Variants in TMCC3 observed in about 807,000 individuals in gnomAD.
TMCC3 encodes the protein transmembrane and coiled-coil domain protein 3.
Under a neutral mutation model 40.2 loss-of-function variants are expected in TMCC3, and 28 were observed. That is an observed-to-expected ratio of 0.70 (90% CI 0.52 to 0.95). The LOEUF (loss-of-function observed/expected upper bound fraction) is 0.95. TMCC3 is among the 40% of genes least tolerant of loss of function. The pLI is 0.00. For missense variants in TMCC3, 554 were observed against 615.2 expected, an observed-to-expected ratio of 0.90 and a Z score of 1.05; for synonymous variants, 255 against 248.5, an observed-to-expected ratio of 1.03 and a Z score of -0.25.
intron 1 of TMCC3, among the ~76,000 whole-genome samples, chr12:94,607,311 A>T (rs769391596): frequency 6.6e-6 from 1 of 152,178 alleles, no homozygotes; most frequent in Non-Finnish European, 1.5e-5. Context: ...TCTATTGTAC[A>T]ATAGTGGTCC....
At chr12:94,637,775 A>C (rs1365979124) in intron 1 of TMCC3, among the ~76,000 whole-genome samples, 1 of 152,248 alleles carries the variant, frequency 6.6e-6, no homozygotes, top group Non-Finnish European at 1.5e-5. Flanking sequence ...GATCCTGTGC[A>C]GCAATTAAAA....
chr12:94,616,157 A>G (rs990825462), intron 1 of TMCC3: 5 of 900,336 alleles, frequency 5.6e-6, no homozygotes, highest in Non-Finnish European at 6.6e-6. Context: ...GTAATAATGC[A>G]CCGTATTCAA....
chr12:94,635,880 G>A (rs2138880540), intron 1 of TMCC3, among the ~76,000 whole-genome samples: 1 of 152,128 alleles, frequency 6.6e-6, no homozygotes, highest in Middle Eastern at 3.4e-3. Context: ...TGTTGGTCAG[G>A]CTGGTCTGGA....
chr12:94,588,762 G>A (rs908382118), intron 1 of TMCC3, among the ~76,000 whole-genome samples: 35 of 151,944 alleles, frequency 2.3e-4, no homozygotes, highest in African/African-American at 7.7e-4. Flanking sequence ...TCCAATCCAC[G>A]GCCCAGCATG....
At chr12:94,620,497 A>T (rs1285619162) in intron 1 of TMCC3, among the ~76,000 whole-genome samples, 1 of 151,994 alleles carries the variant, frequency 6.6e-6, no homozygotes, top group Non-Finnish European at 1.5e-5. Flanking sequence ...CATGTTGGCC[A>T]GGCTAGTCTT....
Position 94,640,248 on chromosome 12 carries a change from GCCTCACCCCTCCCA to G in TMCC3, c.78+10091_78+10104del, listed in dbSNP as rs367632863. On this transcript the variant is annotated intron_variant, in intron 1 of 3. Transcript: ENST00000261226. ...ACTGATGCAATCAAGGCTCACTGCA[GCCTCACCCCTCCCA>G]CCTCACCCCTCCCAGGGCTCAGGTG... Among the ~76,000 whole-genome samples the G allele has an allele frequency of 7.1e-4, 108 of 152,280 alleles. 1 individual carries two copies. Among genetic ancestry groups the G allele is most frequent in the African/African-American group, 2.5e-3 (102 of 41,560 alleles).
intron 1 of TMCC3, among the ~76,000 whole-genome samples, chr12:94,627,012 T>C (rs2068907490): frequency 6.6e-6 from 1 of 151,948 alleles, no homozygotes; most frequent in Non-Finnish European, 1.5e-5. Context: ...AGGTGTGCAC[T>C]ACCACACCAG....
chr12:94,585,390 C>T (rs925568812), intron 1 of TMCC3, among the ~76,000 whole-genome samples: 8 of 152,110 alleles, frequency 5.3e-5, no homozygotes, highest in South Asian at 2.1e-4. Flanking sequence ...CAAAATCCTA[C>T]GTATTCTTTA....
At chr12:94,605,409 G>A (rs2068777085) in intron 1 of TMCC3, among the ~76,000 whole-genome samples, 1 of 152,188 alleles carries the variant, frequency 6.6e-6, no homozygotes, top group Non-Finnish European at 1.5e-5. Flanking sequence ...GTTCATTCAT[G>A]AATCTGTGTA....
intron 1 of TMCC3, among the ~76,000 whole-genome samples, chr12:94,623,475 T>A (rs558191740): frequency 6.6e-6 from 1 of 152,358 alleles, no homozygotes; most frequent in South Asian, 2.1e-4. Flanking sequence ...CCAGAGCTAT[T>A]CCTTCATTCA....
chr12:94,650,016 C>A (rs2138893814), intron 1 of TMCC3, among the ~76,000 whole-genome samples: 1 of 152,194 alleles, frequency 6.6e-6, no homozygotes, highest in South Asian at 2.1e-4. Flanking sequence ...CGCGGGTGGC[C>A]GGGTGGCGGG....
At position 94,609,192 on chromosome 12, in the gene TMCC3, C is replaced by T. The variant is rs193010073; in HGVS notation, c.79-26654G>A. 8.1e-3 allele frequency among the ~76,000 whole-genome samples: 1,234 copies of T among 152,226 alleles called. 16 individuals are homozygous for T. Among genetic ancestry groups the T allele is most frequent in the Non-Finnish European group, 0.012 (840 of 68,000 alleles). On this transcript the variant is annotated intron_variant, in intron 1 of 3. Coordinates refer to ENST00000261226, the MANE Select transcript of TMCC3 (RefSeq NM_020698.4). ...GCAGTGAGCTATGATCACACCACTACACACCAGCCTGGGTGACAGAGTGAG... is the reference window on the plus strand; with the variant it reads ...GCAGTGAGCTATGATCACACCACTATACACCAGCCTGGGTGACAGAGTGAG...
intron 2 of TMCC3, among the ~76,000 whole-genome samples, chr12:94,580,287 A>T (rs557996280): frequency 6.6e-6 from 1 of 152,364 alleles, no homozygotes; most frequent in Admixed American, 6.5e-5. Context: ...AGTTATAAGC[A>T]CCTAAAAGCC....
At chr12:94,599,786 C>T (rs559377476) in intron 1 of TMCC3, among the ~76,000 whole-genome samples, 6 of 152,260 alleles carry the variant, frequency 3.9e-5, no homozygotes, top group African/African-American at 1.4e-4. Context: ...CTAACGTTTT[C>T]CACCTCCAAG....
At chr12:94,606,600 T>C (rs2068784900) in intron 1 of TMCC3, among the ~76,000 whole-genome samples, 1 of 152,076 alleles carries the variant, frequency 6.6e-6, no homozygotes, top group Non-Finnish European at 1.5e-5. Flanking sequence ...TAGGTTCTAT[T>C]TTCCCTAAGT....
chr12:94,586,474 C>T (rs549363666), intron 1 of TMCC3, among the ~76,000 whole-genome samples: 2 of 152,308 alleles, frequency 1.3e-5, no homozygotes, highest in Non-Finnish European at 2.9e-5. Flanking sequence ...TTTCACTCAG[C>T]ACTGTTTGTG....
chr12:94,591,664 G>A (rs2068676517), intron 1 of TMCC3, among the ~76,000 whole-genome samples: 1 of 152,180 alleles, frequency 6.6e-6, no homozygotes, highest in African/African-American at 2.4e-5. Context: ...GTTGAGGCAC[G>A]AGGGTCAAGA....
At chr12:94,610,665 T>G (rs574347644) in intron 1 of TMCC3, among the ~76,000 whole-genome samples, 1 of 152,066 alleles carries the variant, frequency 6.6e-6, no homozygotes, top group Non-Finnish European at 1.5e-5. Context: ...CAATGGGAAA[T>G]GATGCAGCCA....
intron 1 of TMCC3, among the ~76,000 whole-genome samples, chr12:94,637,083 C>T (rs2068964598): frequency 2.0e-5 from 3 of 152,154 alleles, no homozygotes; most frequent in South Asian, 4.2e-4. Flanking sequence ...GAAAAATGTA[C>T]TTGCAAAGCA....
Sources: gnomAD v4.1 joint callset for allele counts (sites outside exome capture counted in the v4.1 genomes callset) on GRCh38, gnomAD v4.1.1 for gene constraint, MANE v1.5 for transcripts, NCBI Gene and HGNC (gene_info 2026-07-23, HGNC 2026-07-21) for gene names.